The following VPS13D variants were observed in gnomAD, a reference collection of about 807,000 sequenced individuals.
VPS13D encodes the protein intermembrane lipid transfer protein VPS13D.
Under a neutral mutation model 461.9 loss-of-function variants are expected in VPS13D, and 187 were observed. The observed-to-expected ratio is 0.40, with a 90% CI of 0.36 to 0.46. The LOEUF (loss-of-function observed/expected upper bound fraction) is 0.46, where lower values mean the gene tolerates loss of function less well. VPS13D is among the 20% of genes least tolerant of loss of function. VPS13D has a pLI of 0.60. For missense variants in VPS13D, 4,711 were observed against 5,364.9 expected, an observed-to-expected ratio of 0.88 and a Z score of 3.81; for synonymous variants, 1,951 against 1,986.3, an observed-to-expected ratio of 0.98 and a Z score of 0.47.
intron 50 of VPS13D, among the ~76,000 whole-genome samples, chr1:12,361,968 C>G (rs925722212): frequency 2.6e-5 from 4 of 152,138 alleles, no homozygotes; most frequent in African/African-American, 9.7e-5. Flanking sequence ...AAGCAATTCT[C>G]TTTCTTGCCT....
intron 60 of VPS13D, among the ~76,000 whole-genome samples, chr1:12,393,707 A>G (rs917319983): frequency 2.0e-5 from 3 of 152,146 alleles, no homozygotes; most frequent in Non-Finnish European, 2.9e-5. Flanking sequence ...CTATTTTTCT[A>G]GGTAGAGGCA....
At chr1:12,296,156 G>T (rs1455861155) in intron 24 of VPS13D, among the ~76,000 whole-genome samples, 1 of 152,090 alleles carries the variant, frequency 6.6e-6, no homozygotes, top group Non-Finnish European at 1.5e-5. Flanking sequence ...ACATACTTGA[G>T]ACTTTCTCTG....
intron 56 of VPS13D, 49 bp from the exon 57 acceptor site, chr1:12,379,439 A>G: frequency 6.4e-7 from 1 of 1,560,090 alleles, no homozygotes; most frequent in South Asian, 1.1e-5. Flanking sequence ...TCAGGCGTGA[A>G]ACAGTTGACT....
intron 65 of VPS13D, among the ~76,000 whole-genome samples, chr1:12,424,558 T>C (rs1267252030): frequency 1.3e-5 from 2 of 152,060 alleles, no homozygotes; most frequent in Non-Finnish European, 2.9e-5. Flanking sequence ...GCCTCACGCA[T>C]GAAGGAGCCA....
intron 60 of VPS13D, among the ~76,000 whole-genome samples, chr1:12,387,941 C>A (rs1644370035): frequency 6.6e-6 from 1 of 152,180 alleles, no homozygotes; most frequent in Non-Finnish European, 1.5e-5. Context: ...AAGGTATCAG[C>A]AGACCCATGC....
At chr1:12,278,658 A>G (rs1641690327) in intron 19 of VPS13D, among the ~76,000 whole-genome samples, 1 of 152,176 alleles carries the variant, frequency 6.6e-6, no homozygotes, top group Non-Finnish European at 1.5e-5. Flanking sequence ...GGATGTTGTT[A>G]AAGTATTGTT....
chr1:12,320,322 G>A (rs1177105711), intron 32 of VPS13D, among the ~76,000 whole-genome samples: 1 of 152,168 alleles, frequency 6.6e-6, no homozygotes, highest in East Asian at 1.9e-4. Flanking sequence ...ATCGTGGCAG[G>A]TTCTTGTTTC....
At chr1:12,322,838 CACA>C in intron 34 of VPS13D, 92 bp downstream of exon 34, 1 of 1,088,162 alleles carries the variant, frequency 9.2e-7, no homozygotes, top group Non-Finnish European at 1.3e-6. Flanking sequence ...CTAAATTGTA[CACA>C]GTTTAATTGT....
rs1245138023 is a variant in VPS13D at position 12,495,278 on chromosome 1, T to G, written c.12663-2222T>G. ...CATTCTCCTGCCTCAGCCTCCTGAA[T>G]AGCTGGGACTACAGGCGCCCGCCAC... On this transcript the variant is annotated intron_variant, in intron 67 of 69. Transcript: ENST00000620676. The surrounding 1 kb of genome is among the most constrained non-coding windows in gnomAD (Gnocchi z 4.0). 6.6e-6 allele frequency among the ~76,000 whole-genome samples: 1 copy of G among 151,464 alleles called. No homozygotes were observed. The highest frequency in any genetic ancestry group is 1.5e-5 in the Non-Finnish European group (1 of 67,796).
At chr1:12,230,342 C>T (rs993703559) in intron 1 of VPS13D, among the ~76,000 whole-genome samples, 2 of 152,166 alleles carry the variant, frequency 1.3e-5, no homozygotes, top group African/African-American at 4.8e-5. Flanking sequence ...AGCCCGCCAC[C>T]TCCGGGGACC....
intron 63 of VPS13D, among the ~76,000 whole-genome samples, chr1:12,404,271 G>A (rs541516637): frequency 1.3e-5 from 2 of 151,776 alleles, no homozygotes; most frequent in African/African-American, 2.4e-5. Flanking sequence ...TCTCTGTTTA[G>A]CTCCTGGCTT....
intron 63 of VPS13D, among the ~76,000 whole-genome samples, chr1:12,407,943 G>A (rs915991143): frequency 6.6e-6 from 1 of 152,100 alleles, no homozygotes; most frequent in Non-Finnish European, 1.5e-5. Context: ...ATAAAGTAAC[G>A]CTCAAAGTAG....
intron 60 of VPS13D, among the ~76,000 whole-genome samples, chr1:12,387,618 G>A (rs980521373): frequency 9.9e-5 from 15 of 152,162 alleles, no homozygotes; most frequent in East Asian, 1.9e-4. Flanking sequence ...TTTGGAGGAC[G>A]TTAAAACTGT....
rs1487142985 is a variant in VPS13D at position 12,509,797 on chromosome 1, C to G, written c.*773C>G. The G allele has an allele frequency of 6.6e-6, 1 of 152,250 alleles. No individual in the cohort carries two copies. The highest frequency in any genetic ancestry group is 1.5e-5 in the Non-Finnish European group (1 of 68,048). 9.4% of individuals were successfully genotyped at this position (152,250 alleles called of 1,614,324 possible). ...TACCAAACTTAGGGGGAAACCTGTGCTCCATTACCACATGGGTGCAAGTCA... is the reference window on the plus strand; with the variant it reads ...TACCAAACTTAGGGGGAAACCTGTGGTCCATTACCACATGGGTGCAAGTCA... On this transcript the variant is annotated 3_prime_UTR_variant, in exon 70 of 70. Transcript: ENST00000620676.
chr1:12,234,205 A>AT lies in VPS13D; in HGVS notation c.-61dup, dbSNP rs1640074608. The AT allele has an allele frequency of 8.2e-7, 1 of 1,215,856 alleles. No homozygotes were observed. The highest frequency in any genetic ancestry group is 1.5e-5 in the African/African-American group (1 of 65,886). 75.3% of individuals were successfully genotyped at this position (1,215,856 alleles called of 1,614,324 possible). The stretch of plus-strand genomic sequence containing the variant: ...TCCTTTCATAGATTTTTCTGTGACC[A>AT]TGAAAGAGAGAAATAAAGAATGATC... On this transcript the variant is annotated 5_prime_UTR_variant, in exon 2 of 70. It removes an upstream start codon present in the reference 5' UTR. Transcript: ENST00000620676.
intron 13 of VPS13D, among the ~76,000 whole-genome samples, chr1:12,265,576 T>C (rs995824738): frequency 1.3e-5 from 2 of 152,204 alleles, no homozygotes; most frequent in African/African-American, 4.8e-5. Flanking sequence ...AGAACATTTG[T>C]AATTCGTGGA....
In VPS13D at chr1:12,278,028, T is replaced by C. The variant is rs1455956256; in HGVS notation, c.4440T>C (p.His1480=). ...GACATGATTTCTTTGAATCTTTGCA[T>C]AGAGGTCAAGGTGAGGAGCATCAGT... is the stretch of plus-strand genomic sequence containing the variant. ...FTRHDFFESL[H]RGQAFHILNN... Residue 1480 remains histidine, a synonymous_variant, in exon 19 of 70, where the codon CAT becomes CAC. Transcript: ENST00000620676. The C allele has an allele frequency of 1.2e-6, 2 of 1,612,706 alleles. No individual in the cohort carries two copies. The highest frequency in any genetic ancestry group is 2.7e-5 in the African/African-American group (2 of 74,896).
chr1:12,268,756 G>T lies in VPS13D; in HGVS notation c.1852G>T (p.Ala618Ser), dbSNP rs1378980353. 1.2e-6 allele frequency: 2 copies of T among 1,614,032 alleles called. No homozygotes were observed. Among genetic ancestry groups the T allele is most frequent in the East Asian group, 4.5e-5 (2 of 44,876 alleles). Residue 618 changes from alanine (A) to serine (S), a missense_variant, in exon 16 of 70, where the codon GCG becomes TCG. Ala to Ser is a moderately conservative substitution (Grantham distance 99). Coordinates refer to ENST00000620676, the MANE Select transcript of VPS13D (RefSeq NM_015378.4). Reference sequence around the variant, plus strand: ...TGAGATGCTGTATGAGAGAAATCCGGCGCACAGCCACTTTGAGAGGCGGCT... The same window carrying T: ...TGAGATGCTGTATGAGAGAAATCCGTCGCACAGCCACTTTGAGAGGCGGCT... ...VFEMLYERNP[A>S]HSHFERRLNV...
At position 12,473,843 on chromosome 1, in the gene VPS13D, A is replaced by G. The variant is rs1645595206; in HGVS notation, c.12662+13447A>G. Among the ~76,000 whole-genome samples, 1 of 152,190 alleles carries G rather than the reference A, an allele frequency of 6.6e-6. No individual in the cohort carries two copies. The highest frequency in any genetic ancestry group is 2.1e-4 in the South Asian group (1 of 4,822). On this transcript the variant is annotated intron_variant, in intron 67 of 69. Coordinates refer to ENST00000620676, the MANE Select transcript of VPS13D (RefSeq NM_015378.4). The surrounding 1 kb of genome is among the most constrained non-coding windows in gnomAD (Gnocchi z 4.2). ...TTCTCTTTCTTCACACAAAATGAAC[A>G]GTTGAACTCAGGCCACCAAACCTGG...
Sources: allele counts gnomAD v4.1 joint callset (sites outside exome capture counted in the v4.1 genomes callset), GRCh38; gene constraint gnomAD v4.1.1; non-coding constraint Gnocchi (gnomAD v3.1); transcripts MANE v1.5; gene names NCBI Gene and HGNC (gene_info 2026-07-23, HGNC 2026-07-21).